CCNJL: variants seen among roughly 807,000 people sequenced by gnomAD.
CCNJL encodes cyclin-J-like protein.
CCNJL carries 33 observed loss-of-function variants against 33.4 expected under a neutral mutation model. The observed-to-expected ratio is 0.99, with a 90% confidence interval of 0.75 to 1.32. The LOEUF is 1.32. Ranked by LOEUF, CCNJL falls within the 40% of genes most tolerant of loss-of-function variation. The pLI, the probability that CCNJL is intolerant of heterozygous loss-of-function variation, is 0.00. For synonymous variants in CCNJL, 227 were observed against 220.9 expected, an observed-to-expected ratio of 1.03 and a Z score of -0.24; for missense variants, 512 against 499.7, an observed-to-expected ratio of 1.02 and a Z score of -0.23.
At chr5:160,271,939 G>A (rs1580968698) in intron 3 of CCNJL, among the ~76,000 whole-genome samples, 2 of 152,184 alleles carry the variant, frequency 1.3e-5, no homozygotes, top group African/African-American at 2.4e-5. Flanking sequence ...GCGCTGCCAC[G>A]TTTCCTTGAA....
chr5:160,325,183 A>G (rs935980003), intron 1 of CCNJL, among the ~76,000 whole-genome samples: 2 of 152,192 alleles, frequency 1.3e-5, no homozygotes, highest in Non-Finnish European at 2.9e-5. Flanking sequence ...CTCTGAGTTA[A>G]GAGCTCATTT....
chr5:160,285,477 T>C (rs151303334), intron 2 of CCNJL, among the ~76,000 whole-genome samples: 2 of 152,080 alleles, frequency 1.3e-5, no homozygotes, highest in Non-Finnish European at 2.9e-5. Flanking sequence ...AGGAAAGAAT[T>C]GCAGTGGTGG....
intron 3 of CCNJL, among the ~76,000 whole-genome samples, chr5:160,261,519 C>T (rs944736973): frequency 3.3e-5 from 5 of 152,160 alleles, no homozygotes; most frequent in African/African-American, 1.2e-4. Context: ...GGCAGGCCAA[C>T]GCGAGGTCAA....
At chr5:160,310,958 G>A (rs1467035967) in intron 2 of CCNJL, among the ~76,000 whole-genome samples, 2 of 152,180 alleles carry the variant, frequency 1.3e-5, no homozygotes, top group Non-Finnish European at 2.9e-5. Context: ...ATAAATTTCT[G>A]TTGCTTTAAG....
At chr5:160,277,239 G>A (rs1404149421) in intron 3 of CCNJL, among the ~76,000 whole-genome samples, 1 of 152,150 alleles carries the variant, frequency 6.6e-6, no homozygotes, top group African/African-American at 2.4e-5. Context: ...GGCTGGTCGT[G>A]AGGATCCGTG....
chr5:160,289,038 C>G (rs1762500302), intron 2 of CCNJL, among the ~76,000 whole-genome samples: 1 of 152,140 alleles, frequency 6.6e-6, no homozygotes, highest in Admixed American at 6.5e-5. Flanking sequence ...CCTAGTTTTC[C>G]ACCGTAAGGT....
At chr5:160,313,704 TAAAG>T (rs1434619078), upstream of CCNJL, among the ~76,000 whole-genome samples, 5 of 152,296 alleles carry the variant, frequency 3.3e-5, no homozygotes, top group South Asian at 4.1e-4. Flanking sequence ...TGAAACATAA[TAAAG>T]AAGGCTTGAA....
intron 1 of CCNJL, chr5:160,326,833 A>G (rs934328692): frequency 1.3e-6 from 1 of 784,422 alleles, no homozygotes; most frequent in Non-Finnish European, 2.3e-6. Context: ...AGAAGGCTGT[A>G]TCATTAGTTT....
intron 1 of CCNJL, among the ~76,000 whole-genome samples, chr5:160,320,954 TCTCTCCTCTCTG>T (rs1763444206): frequency 1.4e-5 from 2 of 145,422 alleles, no homozygotes; most frequent in Non-Finnish European, 3.0e-5. Context: ...CTTCCCTCCT[TCTCTCCTCTCTG>T]TCTCTCCCTC....
intron 1 of CCNJL, among the ~76,000 whole-genome samples, chr5:160,324,674 C>T (rs1256926367): frequency 6.8e-6 from 1 of 146,962 alleles, no homozygotes. Context: ...TCAGTGTTTC[C>T]TCAAATTGAT....
intron 2 of CCNJL, among the ~76,000 whole-genome samples, chr5:160,308,524 G>A (rs1241917512): frequency 2.6e-5 from 4 of 152,222 alleles, no homozygotes; most frequent in South Asian, 2.1e-4. Context: ...TTGGGAGGCC[G>A]AGGCTGACGG....
intron 2 of CCNJL, among the ~76,000 whole-genome samples, chr5:160,307,886 C>G (rs1246918972): frequency 6.6e-6 from 1 of 152,120 alleles, no homozygotes; most frequent in Admixed American, 6.5e-5. Context: ...TTCTCCAGAG[C>G]AATTTGGGCT....
At chr5:160,270,415 G>A (rs1238934593) in intron 3 of CCNJL, among the ~76,000 whole-genome samples, 1 of 151,974 alleles carries the variant, frequency 6.6e-6, no homozygotes, top group Non-Finnish European at 1.5e-5. Flanking sequence ...CTGCACACCA[G>A]CCTGGGTGAC....
intron 1 of CCNJL, among the ~76,000 whole-genome samples, chr5:160,332,488 C>T (rs539490325): frequency 1.3e-5 from 2 of 152,336 alleles, no homozygotes; most frequent in Admixed American, 6.5e-5. Context: ...AAGGCCTATA[C>T]CTACAGGGCC....
At chr5:160,326,891 C>G in intron 1 of CCNJL, 3 of 681,662 alleles carry the variant, frequency 4.4e-6, no homozygotes, top group Non-Finnish European at 8.4e-6. Context: ...GAGATTCATT[C>G]TAAAACAAAG....
At chr5:160,338,342 T>C (rs1187022459) in intron 1 of CCNJL, among the ~76,000 whole-genome samples, 2 of 152,126 alleles carry the variant, frequency 1.3e-5, no homozygotes, top group Admixed American at 1.3e-4. Context: ...TGCAGTGAGC[T>C]GAGATCACGC....
intron 5 of CCNJL, chr5:160,255,164 T>C (rs1258069936): frequency 1.3e-5 from 2 of 153,570 alleles, no homozygotes; most frequent in Non-Finnish European, 2.9e-5. Flanking sequence ...AATACAAAAA[T>C]TAGCCAAGCG....
intron 3 of CCNJL, among the ~76,000 whole-genome samples, chr5:160,262,225 C>T (rs1761368548): frequency 6.6e-6 from 1 of 152,302 alleles, no homozygotes; most frequent in South Asian, 2.1e-4. Context: ...GACCCTTGCA[C>T]AGCACTGCTG....
intron 3 of CCNJL, among the ~76,000 whole-genome samples, chr5:160,279,111 C>T (rs189580016): frequency 1.1e-4 from 16 of 152,276 alleles, no homozygotes; most frequent in East Asian, 5.8e-4. Context: ...TCTGTGCTTC[C>T]GGAACTGGGT....
Sources: allele counts gnomAD v4.1 joint callset (sites outside exome capture counted in the v4.1 genomes callset), GRCh38; gene constraint gnomAD v4.1.1; transcripts MANE v1.5; gene names NCBI Gene and HGNC (gene_info 2026-07-23, HGNC 2026-07-21).